Variants in PTH2R observed in about 807,000 individuals in gnomAD.
The protein encoded by PTH2R is PTH2 receptor.
A neutral mutation model predicts 60.3 loss-of-function variants in PTH2R; 59 were observed. The ratio of observed to expected loss-of-function variants is 0.98; its 90% CI spans 0.79 to 1.22. The LOEUF (loss-of-function observed/expected upper bound fraction) is 1.22, where lower values mean the gene tolerates loss of function less well. PTH2R is among the 50% of genes most tolerant of loss of function. The pLI is 0.00. For missense variants in PTH2R, 749 were observed against 682.6 expected, an observed-to-expected ratio of 1.10 and a Z score of -1.08; for synonymous variants, 256 against 243.8, an observed-to-expected ratio of 1.05 and a Z score of -0.47.
chr2:208,490,631 G>A lies in PTH2R; in HGVS notation c.1216-8G>A. ...TGGCAGTGGGCTGACTTTCTCTTTT[G>A]TCTGCAGGGTTTCTTTGTGTCTATC... is the stretch of plus-strand genomic sequence containing the variant. On this transcript the variant is annotated splice_polypyrimidine_tract_variant and splice_region_variant and intron_variant, in intron 11 of 12. Transcript: ENST00000272847. 3.1e-6 allele frequency: 5 copies of A among 1,609,388 alleles called. No individual in the cohort carries two copies. The highest frequency in any genetic ancestry group is 4.2e-6 in the Non-Finnish European group (5 of 1,179,032).
intron 1 of PTH2R, among the ~76,000 whole-genome samples, chr2:208,427,388 G>A (rs915779638): frequency 6.6e-6 from 1 of 152,094 alleles, no homozygotes. Context: ...CTCACTTTCA[G>A]TGTATCTACT....
At chr2:208,414,650 T>C (rs566151713) in intron 1 of PTH2R, among the ~76,000 whole-genome samples, 1 of 152,252 alleles carries the variant, frequency 6.6e-6, no homozygotes, top group South Asian at 2.1e-4. Context: ...AAAATTTTTA[T>C]CCACTAGAAC....
intron 9 of PTH2R, among the ~76,000 whole-genome samples, chr2:208,470,792 G>A (rs1702864213): frequency 6.6e-6 from 1 of 152,200 alleles, no homozygotes. Context: ...ACAGGCAGAG[G>A]TTGGAACAGT....
At chr2:208,415,004 G>A (rs930185360) in intron 1 of PTH2R, among the ~76,000 whole-genome samples, 1 of 152,052 alleles carries the variant, frequency 6.6e-6, no homozygotes, top group Non-Finnish European at 1.5e-5. Context: ...TCACAACCTA[G>A]AAGAACCTAA....
chr2:208,372,569 C>T (rs931611938), intron 1 of PTH2R, among the ~76,000 whole-genome samples: 10 of 151,848 alleles, frequency 6.6e-5, no homozygotes, highest in Non-Finnish European at 7.4e-5. Flanking sequence ...TTTGTAGTAG[C>T]AAAACACTAC....
At position 208,484,844 on chromosome 2, in the gene PTH2R, A is replaced by G. The variant is rs186467256; in HGVS notation, c.1076+3680A>G. 2.0e-5 allele frequency among the ~76,000 whole-genome samples: 3 copies of G among 152,288 alleles called. No individual in the cohort carries two copies. In the East Asian group the frequency reaches 5.8e-4, roughly 29 times the overall value. On this transcript the variant is annotated intron_variant, in intron 10 of 12. Coordinates refer to ENST00000272847, the MANE Select transcript of PTH2R (RefSeq NM_005048.4). ...CTGTGAGCCTCTATCCTCTCTTGGC[A>G]ATGGGATAATAATAGCTCTCTCCCA...
chr2:208,386,829 T>TA (rs1157207467), intron 1 of PTH2R, among the ~76,000 whole-genome samples: 1 of 152,180 alleles, frequency 6.6e-6, no homozygotes, highest in Admixed American at 6.5e-5. Flanking sequence ...ATGACCTAAT[T>TA]ACCTCCTAAT....
upstream of PTH2R, among the ~76,000 whole-genome samples, chr2:208,404,639 A>G (rs1701367736): frequency 6.6e-6 from 1 of 152,124 alleles, no homozygotes; most frequent in Admixed American, 6.5e-5. Context: ...ATTAGTAATA[A>G]CAACCTTTCC....
In PTH2R at chr2:208,434,040, G is replaced by A. The variant is rs61492957; in HGVS notation, c.179-3497G>A. On this transcript the variant is annotated intron_variant, in intron 2 of 12. Transcript: ENST00000272847. ...TTAAGACCTCTATTTTTGGCCAGGC[G>A]CAGTGGCTCGTGCCTGTAATCCCAA... Among the ~76,000 whole-genome samples the A allele has an allele frequency of 3.3e-3, 506 of 152,266 alleles. 3 individuals are homozygous for A. The highest frequency in any genetic ancestry group is 0.012 in the African/African-American group (488 of 41,542).
chr2:208,438,754 A>C (rs1469902391), intron 4 of PTH2R, among the ~76,000 whole-genome samples: 1 of 152,106 alleles, frequency 6.6e-6, no homozygotes, highest in East Asian at 1.9e-4. Context: ...ATATTTCTTT[A>C]TGTCTGGTGA....
intron 11 of PTH2R, 120 bp downstream of exon 11, chr2:208,489,270 G>T (rs1212999082): frequency 2.3e-6 from 3 of 1,296,264 alleles, no homozygotes; most frequent in Non-Finnish European, 3.2e-6. Flanking sequence ...GGGGAGTTGG[G>T]GGGTGCAGAA....
chr2:208,376,256 A>C (rs1056476399), intron 1 of PTH2R, among the ~76,000 whole-genome samples: 1 of 152,134 alleles, frequency 6.6e-6, no homozygotes, highest in African/African-American at 2.4e-5. Flanking sequence ...AGGCTTTTTA[A>C]ATGTAAACTA....
At chr2:208,388,037 C>T (rs781503583) in intron 1 of PTH2R, among the ~76,000 whole-genome samples, 10 of 151,328 alleles carry the variant, frequency 6.6e-5, no homozygotes, top group Non-Finnish European at 1.2e-4. Context: ...CAGCCGGGCG[C>T]GGTGGCTCAC....
intron 9 of PTH2R, among the ~76,000 whole-genome samples, chr2:208,475,943 G>A (rs989036600): frequency 6.6e-6 from 1 of 152,072 alleles, no homozygotes; most frequent in Non-Finnish European, 1.5e-5. Flanking sequence ...AAGCAAGTAG[G>A]TGACTCCTGA....
At chr2:208,471,454 C>A (rs769414822) in intron 9 of PTH2R, among the ~76,000 whole-genome samples, 1 of 152,224 alleles carries the variant, frequency 6.6e-6, no homozygotes, top group African/African-American at 2.4e-5. Flanking sequence ...CTGAAAGGGG[C>A]CAATGTAGAG....
At chr2:208,428,123 G>T in intron 1 of PTH2R, 78 bp from the exon 2 acceptor site, 4 of 1,024,700 alleles carry the variant, frequency 3.9e-6, no homozygotes, top group Non-Finnish European at 5.9e-6. Flanking sequence ...AATTAGATTA[G>T]AAGGTGAAAT....
chr2:208,388,879 C>A (rs895625958), intron 1 of PTH2R, among the ~76,000 whole-genome samples: 8 of 152,256 alleles, frequency 5.3e-5, no homozygotes, highest in South Asian at 2.1e-4. Context: ...GCGCTTACAG[C>A]AGGGGAGAGA....
chr2:208,444,861 T>G lies in PTH2R; in HGVS notation c.827T>G (p.Leu276Arg), dbSNP rs1574879157. ...FVAFFSDTKY[L>R]WGFILIGWGF... ...GCTTTCTTTTCGGACACCAAATACC[T>G]GTGGGGCTTCATCTTGATAGGCTGG... The change falls in exon 7 of 13, where the codon CTG becomes CGG. Residue 276 changes from leucine to arginine, a missense_variant. By Grantham distance (102) the Leu-to-Arg change is moderately radical. Coordinates refer to ENST00000272847, the MANE Select transcript of PTH2R (RefSeq NM_005048.4). 1 of 1,613,592 alleles carries G rather than the reference T, an allele frequency of 6.2e-7. No individual in the cohort carries two copies. Among genetic ancestry groups the G allele is most frequent in the East Asian group, 2.2e-5 (1 of 44,824 alleles).
At chr2:208,456,396 C>T (rs1702515452) in intron 8 of PTH2R, among the ~76,000 whole-genome samples, 1 of 152,168 alleles carries the variant, frequency 6.6e-6, no homozygotes. Context: ...CTCTTTGCCT[C>T]ATTCGAAGGA....
Sources: allele counts gnomAD v4.1 joint callset (sites outside exome capture counted in the v4.1 genomes callset), GRCh38; gene constraint gnomAD v4.1.1; transcripts MANE v1.5; gene names NCBI Gene and HGNC (gene_info 2026-07-23, HGNC 2026-07-21).